RPL22: variants seen among roughly 807,000 people sequenced by gnomAD.
RPL22 encodes the protein ribosomal protein L22.
Under a neutral mutation model 16.2 loss-of-function variants are expected in RPL22, and 4 were observed. That is an observed-to-expected ratio of 0.25 (90% confidence interval 0.12 to 0.57). The LOEUF (loss-of-function observed/expected upper bound fraction) is 0.57, where lower values mean the gene tolerates loss of function less well. RPL22 is among the 20% of genes least tolerant of loss of function. The pLI is 0.92. For missense variants in RPL22, 83 were observed against 156.1 expected (o/e 0.53, Z 2.49); for synonymous variants, 43 against 54.8 (o/e 0.78, Z 0.95).
At chr1:6,192,394 A>C (rs1322002923) in intron 3 of RPL22, among the ~76,000 whole-genome samples, 1 of 152,206 alleles carries the variant, frequency 6.6e-6, no homozygotes, top group Non-Finnish European at 1.5e-5. Context: ...TGAGTACCTT[A>C]CTGTTTAAAA....
In RPL22 at chr1:6,186,822, G is replaced by A; in HGVS notation, c.243-6C>T. 2 of 1,613,148 alleles carry A rather than the reference G, an allele frequency of 1.2e-6. No homozygotes were observed. Among genetic ancestry groups the A allele is most frequent in the African/African-American group, 1.3e-5 (1 of 75,034 alleles). ...TGGTGAGATATTTCAAATACCTGCA[G>A]AGAAAGGACACAAGAACTCCACTAG... On this transcript the variant is annotated splice_region_variant and splice_polypyrimidine_tract_variant and intron_variant, in intron 3 of 3. Coordinates refer to ENST00000234875, the MANE Select transcript of RPL22 (RefSeq NM_000983.4).
In RPL22 at chr1:6,192,996, C is replaced by T; in HGVS notation, c.176G>A (p.Gly59Glu). Residue 59 changes from glycine (G) to glutamate (E), a missense_variant, in exon 3 of 4, where the codon GGG (glycine) becomes GAG (glutamate). Physicochemically the swap from Gly to Glu is moderately conservative, Grantham distance 98. Transcript: ENST00000234875. ...VNGKAGNLGG[G>E]VVTIERSKSK... ...CTTGCTCCTTTCGATGGTCACCACC[C>T]CTCCACCAAGGTTCCCAGCTTTTCC... The T allele has an allele frequency of 6.2e-7, 1 of 1,614,130 alleles. No homozygotes were observed. The highest frequency in any genetic ancestry group is 1.1e-5 in the South Asian group (1 of 91,086).
intron 3 of RPL22, among the ~76,000 whole-genome samples, chr1:6,188,585 G>C (rs1301786589): frequency 1.3e-5 from 2 of 150,712 alleles, no homozygotes; most frequent in Non-Finnish European, 2.9e-5. Flanking sequence ...AGTCTTGGCA[G>C]CTCTCTCACC....
intron 2 of RPL22, 55 bp downstream of exon 2, chr1:6,197,597 A>G: frequency 8.3e-7 from 1 of 1,199,586 alleles, no homozygotes; most frequent in South Asian, 1.2e-5. Flanking sequence ...AGGTTTTCTC[A>G]ACAGTATCTC....
intron 3 of RPL22, among the ~76,000 whole-genome samples, chr1:6,192,402 A>G (rs1667663465): frequency 6.6e-6 from 1 of 152,224 alleles, no homozygotes; most frequent in South Asian, 2.1e-4. Flanking sequence ...TTACTGTTTA[A>G]AATACTTTAG....
chr1:6,191,998 CAAA>C (rs548085787), intron 3 of RPL22, among the ~76,000 whole-genome samples: 1 of 67,114 alleles, frequency 1.5e-5, no homozygotes, highest in Admixed American at 1.7e-4. Context: ...GACTCGGTTT[CAAA>C]AAAAAAAAAA....
chr1:6,197,565 G>GA (rs2100908071), intron 2 of RPL22, 87 bp downstream of exon 2: 1 of 854,908 alleles, frequency 1.2e-6, no homozygotes, highest in East Asian at 2.6e-5. Flanking sequence ...CTATAAGCCT[G>GA]AAAACAGAAA....
At chr1:6,193,323 ATTT>A (rs755169791) in intron 2 of RPL22, among the ~76,000 whole-genome samples, 19 of 133,098 alleles carry the variant, frequency 1.4e-4, no homozygotes, top group East Asian at 4.4e-4. Flanking sequence ...TGACTTTACA[ATTT>A]TTTTTTTTTT....
At position 6,185,738 on chromosome 1, in the gene RPL22, C is replaced by G. The variant is rs1667575287; in HGVS notation, c.*934G>C. 4.1e-6 allele frequency: 1 copy of G among 245,364 alleles called. No homozygotes were observed. Among genetic ancestry groups the G allele is most frequent in the Non-Finnish European group, 7.9e-6 (1 of 126,656 alleles). 15.2% of individuals were successfully genotyped at this position (245,364 alleles called of 1,614,324 possible). ...ATTTTTTTCCCAGCCTTGGTAGCCC[C>G]TTTCAGTTGTCTAGCCTCTGCACTG... On this transcript the variant is annotated 3_prime_UTR_variant, in exon 4 of 4. Coordinates refer to ENST00000234875, the MANE Select transcript of RPL22 (RefSeq NM_000983.4).
chr1:6,188,034 C>G (rs893213568), intron 3 of RPL22, among the ~76,000 whole-genome samples: 2 of 132,546 alleles, frequency 1.5e-5, no homozygotes, highest in African/African-American at 8.2e-5. Context: ...TAAACACTCA[C>G]CACAACAGGG....
chr1:6,188,337 A>G (rs1000315948), intron 3 of RPL22, among the ~76,000 whole-genome samples: 2 of 151,862 alleles, frequency 1.3e-5, no homozygotes, highest in Non-Finnish European at 2.9e-5. Flanking sequence ...CAGCCAAAAC[A>G]CTCATTCTTT....
intron 2 of RPL22, among the ~76,000 whole-genome samples, chr1:6,195,558 T>G (rs1208285777): frequency 6.6e-6 from 1 of 151,590 alleles, no homozygotes; most frequent in African/African-American, 2.4e-5. Flanking sequence ...AAGACCAACC[T>G]GGCCAACATG....
rs1428881993 is a variant in RPL22, at chr1:6,197,652, A to C, written c.117T>G (p.Phe39Leu). ...GAGTGGCAATAAGGATGTAACTTACAAAATTGGCAGCATCCATGATTCCAT... is the reference window on the plus strand; with the variant it reads ...GAGTGGCAATAAGGATGTAACTTACCAAATTGGCAGCATCCATGATTCCAT... ...VEDGIMDAAN[F>L]EQFLQERIKV... Residue 39 changes from phenylalanine to leucine, a missense_variant and splice_region_variant, in exon 2 of 4, where the codon TTT (phenylalanine) becomes TTG (leucine). By Grantham distance (22) the Phe-to-Leu change is conservative. Coordinates refer to ENST00000234875, the MANE Select transcript of RPL22 (RefSeq NM_000983.4). The C allele has an allele frequency of 6.2e-7, 1 of 1,605,098 alleles. No homozygotes were observed. The highest frequency in any genetic ancestry group is 2.2e-5 in the East Asian group (1 of 44,852).
intron 3 of RPL22, 23 bp downstream of exon 3, chr1:6,192,905 CCA>C (rs3035703): frequency 0.14 from 223,185 of 1,610,650 alleles, 29,551 homozygotes; most frequent in African/African-American, 0.69. Flanking sequence ...TGCACGCAGG[CCA>C]CACACACACT....
Position 6,185,970 on chromosome 1 carries a change from A to G in RPL22, c.*702T>C. The G allele has an allele frequency of 4.3e-6, 1 of 230,328 alleles. No homozygotes were observed. Among genetic ancestry groups the G allele is most frequent in the Non-Finnish European group, 8.6e-6 (1 of 116,210 alleles). The allele number at this position is 230,328 out of a possible 1,614,324, so 14.3% of individuals were successfully genotyped here. A position where few individuals can be genotyped will look rare whatever the true frequency, so the allele number is the denominator to read the frequency against. The stretch of plus-strand genomic sequence containing the variant: ...GACCACATCTGGAAGCACTATTCCT[A>G]CAGCTCCCTCTGCTGGAGACGAAAG... On this transcript the variant is annotated 3_prime_UTR_variant, in exon 4 of 4. Coordinates refer to ENST00000234875, the MANE Select transcript of RPL22 (RefSeq NM_000983.4).
intron 3 of RPL22, among the ~76,000 whole-genome samples, chr1:6,188,791 C>CTTT (rs1476063077): frequency 1.2e-4 from 17 of 145,782 alleles, no homozygotes; most frequent in African/African-American, 4.3e-4. Flanking sequence ...AGATCCCTGG[C>CTTT]ATTTTTTTTT....
intron 1 of RPL22, chr1:6,199,332 C>A: frequency 8.0e-7 from 1 of 1,249,082 alleles, no homozygotes; most frequent in Non-Finnish European, 1.0e-6. Flanking sequence ...TAGCTGGGGC[C>A]CCGGGCCTCC....
chr1:6,198,057 C>G (rs1271439852), intron 1 of RPL22: 1 of 330,900 alleles, frequency 3.0e-6, no homozygotes, highest in Non-Finnish European at 5.5e-6. Flanking sequence ...ATGAAGGTCT[C>G]TTAGTTTATG....
At chr1:6,186,921 T>A (rs1667588511) in intron 3 of RPL22, 105 bp from the exon 4 acceptor site, 2 of 1,540,734 alleles carry the variant, frequency 1.3e-6, no homozygotes, top group Non-Finnish European at 1.8e-6. Context: ...CAATTCAAGG[T>A]GTTTTCCCAA....
Sources: allele counts gnomAD v4.1 joint callset (sites outside exome capture counted in the v4.1 genomes callset), GRCh38; gene constraint gnomAD v4.1.1; transcripts MANE v1.5; gene names NCBI Gene and HGNC (gene_info 2026-07-23, HGNC 2026-07-21).